Variants in NEK11 observed in about 807,000 individuals in gnomAD.
NEK11 encodes NIMA related kinase 11.
A neutral mutation model predicts 80.7 loss-of-function variants in NEK11; 72 were observed. The observed-to-expected ratio is 0.89, with a 90% CI of 0.74 to 1.08. The LOEUF (loss-of-function observed/expected upper bound fraction) is 1.08. Among genes scored for constraint, NEK11 ranks in the 50% least tolerant of loss-of-function variants. NEK11 has a pLI of 0.00. For synonymous variants in NEK11, 251 were observed against 260.7 expected, an observed-to-expected ratio of 0.96 and a Z score of 0.36; for missense variants, 764 against 763.6, an observed-to-expected ratio of 1.00 and a Z score of -0.01.
rs570960579 is a variant in NEK11, at chr3:131,139,233, A to G, written c.647+5277A>G. Among the ~76,000 whole-genome samples the G allele has an allele frequency of 3.3e-5, 5 of 151,918 alleles. No homozygotes were observed. The South Asian group carries it at 1.0e-3, about 32-fold the overall frequency. ...AGAAGTTCTGGACTTGAGAAATCCA[A>G]TTGACTGGAGAATGCATCAGAGTCT... On this transcript the variant is annotated intron_variant, in intron 7 of 17. Coordinates refer to ENST00000383366, the MANE Select transcript of NEK11 (RefSeq NM_024800.5).
rs1403300798 is a variant in NEK11, at chr3:131,349,611, C to G, written c.1773C>G (p.Leu591=). 9 of 1,613,976 alleles carry G rather than the reference C, an allele frequency of 5.6e-6. No homozygotes were observed. The Admixed American group carries it at 1.5e-4, about 27-fold the overall frequency. Residue 591 remains leucine, a synonymous_variant, in exon 18 of 18, where the codon CTC becomes CTG. Coordinates refer to ENST00000383366, the MANE Select transcript of NEK11 (RefSeq NM_024800.5). ...TATTTGAAGAGGTCTATAATTACCTCAAGAGAGCAAGGCATCAGAATGCTA... is the reference window on the plus strand; with the variant it reads ...TATTTGAAGAGGTCTATAATTACCTGAAGAGAGCAAGGCATCAGAATGCTA... ...TEVFEEVYNY[L]KRARHQNASE...
At chr3:131,210,257 T>A (rs2094568871) in intron 14 of NEK11, among the ~76,000 whole-genome samples, 1 of 152,088 alleles carries the variant, frequency 6.6e-6, no homozygotes, top group Admixed American at 6.6e-5. Flanking sequence ...GAGCAGGTTG[T>A]TCGGTTTCCA....
chr3:131,258,644 G>A (rs987458410), intron 16 of NEK11, among the ~76,000 whole-genome samples: 2 of 152,156 alleles, frequency 1.3e-5, no homozygotes, highest in Admixed American at 1.3e-4. Flanking sequence ...GGTAGCTACT[G>A]TTCTTAGAGG....
chr3:131,100,181 T>C (rs1323272178), intron 4 of NEK11, among the ~76,000 whole-genome samples: 1 of 152,358 alleles, frequency 6.6e-6, no homozygotes, highest in East Asian at 1.9e-4. Flanking sequence ...TGGATTTTCT[T>C]AAAAGCTTTT....
chr3:131,275,746 C>T (rs1355880930), intron 17 of NEK11, among the ~76,000 whole-genome samples: 1 of 152,186 alleles, frequency 6.6e-6, no homozygotes, highest in African/African-American at 2.4e-5. Flanking sequence ...GGAAATCTTG[C>T]TGTTCTTTCT....
At chr3:131,334,145 C>T (rs2097141563) in intron 17 of NEK11, among the ~76,000 whole-genome samples, 1 of 152,236 alleles carries the variant, frequency 6.6e-6, no homozygotes, top group Non-Finnish European at 1.5e-5. Context: ...AACTCTCCAT[C>T]CCAAATCAAC....
intron 3 of NEK11, among the ~76,000 whole-genome samples, chr3:131,064,534 A>G (rs1161470991): frequency 6.6e-6 from 1 of 152,112 alleles, no homozygotes; most frequent in African/African-American, 2.4e-5. Context: ...ATCTCCAAAT[A>G]CAGTTACATT....
intron 15 of NEK11, among the ~76,000 whole-genome samples, chr3:131,238,298 C>G (rs929041317): frequency 6.6e-6 from 1 of 152,118 alleles, no homozygotes; most frequent in African/African-American, 2.4e-5. Context: ...ATTGCTTATT[C>G]TTTTATGGCC....
At chr3:131,092,411 A>G (rs1175127553) in intron 4 of NEK11, among the ~76,000 whole-genome samples, 1 of 152,210 alleles carries the variant, frequency 6.6e-6, no homozygotes, top group Non-Finnish European at 1.5e-5. Flanking sequence ...AACAGAGGCC[A>G]CCATGAACCA....
intron 14 of NEK11, chr3:131,174,767 C>T (rs2092910082): frequency 1.9e-6 from 3 of 1,609,442 alleles, no homozygotes; most frequent in East Asian, 2.2e-5. Flanking sequence ...TATTTTTTAG[C>T]AACTCACAGC....
intron 3 of NEK11, among the ~76,000 whole-genome samples, chr3:131,046,010 G>A (rs57707962): frequency 0.014 from 2,185 of 152,106 alleles, 64 homozygotes; most frequent in African/African-American, 0.048. Context: ...TATGCATTAG[G>A]TGAGTCTCCT....
Position 131,132,783 on chromosome 3 carries a change from T to C in NEK11, c.494T>C (p.Phe165Ser). ...LHRDLKSKNV[F>S]LKNNLLKIGD... ...CGAGACTTAAAGTCAAAGAATGTAT[T>C]TCTGAAAAATAATCTCCTTAAAATT... The change falls in exon 6 of 18, where the codon TTT (phenylalanine) becomes TCT (serine). Residue 165 changes from phenylalanine (F) to serine (S), a missense_variant. Transcript: ENST00000383366. The C allele has an allele frequency of 6.5e-7, 1 of 1,530,062 alleles. No homozygotes were observed. Among genetic ancestry groups the C allele is most frequent in the Non-Finnish European group, 8.9e-7 (1 of 1,123,480 alleles). 94.8% of individuals were successfully genotyped at this position (1,530,062 alleles called of 1,614,324 possible).
intron 4 of NEK11, among the ~76,000 whole-genome samples, chr3:131,108,334 A>G (rs574095172): frequency 6.6e-6 from 1 of 152,272 alleles, no homozygotes; most frequent in African/African-American, 2.4e-5. Context: ...CTCTGTCATG[A>G]GTAGTCTATG....
chr3:131,278,621 C>G (rs1025730383), intron 17 of NEK11, among the ~76,000 whole-genome samples: 6 of 152,078 alleles, frequency 3.9e-5, no homozygotes, highest in Non-Finnish European at 8.8e-5. Context: ...CATGCTCCCA[C>G]TAGAAGCCAA....
At chr3:131,214,820 A>G (rs2094764982) in intron 14 of NEK11, among the ~76,000 whole-genome samples, 1 of 152,040 alleles carries the variant, frequency 6.6e-6, no homozygotes, top group African/African-American at 2.4e-5. Flanking sequence ...ATATATAAAA[A>G]ACAGTACTGT....
At chr3:131,069,091 A>T (rs1304413882) in intron 3 of NEK11, among the ~76,000 whole-genome samples, 1 of 152,196 alleles carries the variant, frequency 6.6e-6, no homozygotes, top group African/African-American at 2.4e-5. Context: ...CACTGCTATT[A>T]TAAACAAGGT....
chr3:131,028,145 T>C (rs2064179971), intron 2 of NEK11, 143 bp downstream of exon 2: 1 of 152,210 alleles, frequency 6.6e-6, no homozygotes, highest in Non-Finnish European at 1.5e-5. Flanking sequence ...AACGTGTCTT[T>C]GGAAGGGAAA....
At chr3:131,128,766 C>G (rs1210843264) in intron 5 of NEK11, among the ~76,000 whole-genome samples, 1 of 152,180 alleles carries the variant, frequency 6.6e-6, no homozygotes, top group Non-Finnish European at 1.5e-5. Flanking sequence ...ATTTTGTATT[C>G]CCACTAGCAG....
chr3:131,229,366 G>A (rs2107806020), intron 15 of NEK11, among the ~76,000 whole-genome samples: 1 of 152,228 alleles, frequency 6.6e-6, no homozygotes, highest in Middle Eastern at 3.4e-3. Context: ...AGAGGCTTAT[G>A]AAGATGAAGG....
Sources: gnomAD v4.1 joint callset for allele counts (sites outside exome capture counted in the v4.1 genomes callset) on GRCh38, gnomAD v4.1.1 for gene constraint, MANE v1.5 for transcripts, NCBI Gene and HGNC (gene_info 2026-07-23, HGNC 2026-07-21) for gene names.